The following DPRX variants were observed in gnomAD, a reference collection of about 807,000 sequenced individuals.
DPRX encodes divergent-paired related homeobox.
Under a neutral mutation model 8.4 loss-of-function variants are expected in DPRX, and 11 were observed. The ratio of observed to expected loss-of-function variants is 1.31; its 90% CI spans 0.82 to 2.17. The LOEUF is 2.17. Among genes scored for constraint, DPRX ranks in the 30% most tolerant of loss-of-function variants. The pLI is 0.00. For missense variants in DPRX, 211 were observed against 236.7 expected, an observed-to-expected ratio of 0.89 and a Z score of 0.71; for synonymous variants, 72 against 87.0, an observed-to-expected ratio of 0.83 and a Z score of 0.96.
At chr19:53,608,953 C>CAAAAAAAAAAAAAAAAAAAAAAAA in the DPRX span, among the ~76,000 whole-genome samples, 2 of 76,930 alleles carry the variant, frequency 2.6e-5, no homozygotes, top group Non-Finnish European at 4.7e-5. Context: ...GAGACTCCGT[C>CAAAAAAAAAAAAAAAAAAAAAAAA]AAAAAAAAAA....
At chr19:53,601,757 C>T in the DPRX span, among the ~76,000 whole-genome samples, 39 of 152,240 alleles carry the variant, frequency 2.6e-4, no homozygotes, top group East Asian at 7.0e-3. Flanking sequence ...GCTGGGATTA[C>T]AGGTGTGAGC....
chr19:53,606,963 A>T, the DPRX span: 2 of 152,992 alleles, frequency 1.3e-5, no homozygotes, highest in African/African-American at 2.4e-5. The surrounding 1 kb of genome is among the most constrained non-coding windows in gnomAD (Gnocchi z 4.8). Flanking sequence ...ATGCCATCAA[A>T]ACCCACAAAT....
the DPRX span, among the ~76,000 whole-genome samples, chr19:53,608,852 G>A: frequency 1.3e-5 from 2 of 151,236 alleles, no homozygotes; most frequent in Non-Finnish European, 2.9e-5. Context: ...CTACTCGGGA[G>A]GCTGAGGCAG....
chr19:53,615,283 A>ATTT, the DPRX span, among the ~76,000 whole-genome samples: 1 of 145,612 alleles, frequency 6.9e-6, no homozygotes. Flanking sequence ...GATCTGTCTA[A>ATTT]TTTTTTTTTT....
the DPRX span, among the ~76,000 whole-genome samples, chr19:53,618,291 A>G: frequency 6.8e-4 from 103 of 152,244 alleles, no homozygotes; most frequent in Non-Finnish European, 1.4e-3. Context: ...AAAATCAAGA[A>G]GCAAGATTCC....
chr19:53,601,857 G>T, the DPRX span: 8 of 367,920 alleles, frequency 2.2e-5, no homozygotes, highest in African/African-American at 1.7e-4. Context: ...ATATGTGGGG[G>T]CTGGAGGGGG....
the DPRX span, among the ~76,000 whole-genome samples, chr19:53,611,183 C>A: frequency 1.4e-4 from 22 of 151,824 alleles, 1 homozygote; most frequent in South Asian, 3.5e-3. Flanking sequence ...ATTACAGGCG[C>A]GAGCCACAGA....
At chr19:53,624,847 AAG>A in the DPRX span, among the ~76,000 whole-genome samples, 5 of 150,218 alleles carry the variant, frequency 3.3e-5, no homozygotes, top group South Asian at 4.2e-4. Flanking sequence ...AAAAAAAAGA[AAG>A]AAAGAAAGAA....
At chr19:53,618,406 G>A in the DPRX span, among the ~76,000 whole-genome samples, 1 of 151,646 alleles carries the variant, frequency 6.6e-6, no homozygotes, top group African/African-American at 2.4e-5. Flanking sequence ...TAAGACTGCT[G>A]CCTGAACAAT....
the DPRX span, among the ~76,000 whole-genome samples, chr19:53,618,341 C>T: frequency 4.0e-5 from 6 of 151,876 alleles, no homozygotes; most frequent in Admixed American, 1.3e-4. Flanking sequence ...GCTTTACCTA[C>T]GGAGCTTTGG....
At chr19:53,610,377 C>T in the DPRX span, among the ~76,000 whole-genome samples, 10 of 151,924 alleles carry the variant, frequency 6.6e-5, no homozygotes, top group South Asian at 2.1e-3. Context: ...GGTTGGATAT[C>T]CTAGATGCCG....
the DPRX span, among the ~76,000 whole-genome samples, chr19:53,619,307 G>A: frequency 0.013 from 1,955 of 152,128 alleles, 37 homozygotes; most frequent in African/African-American, 0.044. Flanking sequence ...TTGGGAATCC[G>A]AGGCGAGCAG....
the DPRX span, among the ~76,000 whole-genome samples, chr19:53,613,920 C>G: frequency 6.6e-6 from 1 of 151,558 alleles, no homozygotes; most frequent in East Asian, 1.9e-4. Flanking sequence ...TGTGTCCAAG[C>G]CTTTTGCCCA....
chr19:53,604,916 G>A, the DPRX span, among the ~76,000 whole-genome samples: 2 of 151,880 alleles, frequency 1.3e-5, no homozygotes, highest in African/African-American at 4.8e-5. Context: ...AATGTTTGAA[G>A]TGATGGTTAT....
chr19:53,602,306 GT>G, the DPRX span: 1 of 326,172 alleles, frequency 3.1e-6, no homozygotes, highest in African/African-American at 2.3e-5. Flanking sequence ...GTGTGTGTGT[GT>G]GTGTGCCAGC....
chr19:53,607,639 G>A, the DPRX span, among the ~76,000 whole-genome samples: 9 of 150,498 alleles, frequency 6.0e-5, no homozygotes, highest in African/African-American at 1.7e-4. Flanking sequence ...ATCACCTGAG[G>A]TCAGGAGTTT....
the DPRX span, among the ~76,000 whole-genome samples, chr19:53,609,428 C>T: frequency 7.6e-6 from 1 of 130,762 alleles, no homozygotes; most frequent in Non-Finnish European, 1.6e-5. Flanking sequence ...GACCACACCA[C>T]TGTACTTTAG....
At chr19:53,614,247 G>A in the DPRX span, among the ~76,000 whole-genome samples, 2 of 152,142 alleles carry the variant, frequency 1.3e-5, no homozygotes, top group Non-Finnish European at 2.9e-5. Flanking sequence ...ACTGCACCTG[G>A]CCTAAAAGAA....
At position 53,636,814 on chromosome 19, in the gene DPRX, C is replaced by A; in HGVS notation, c.402C>A (p.Tyr134Ter). Residue 134 changes from tyrosine to a stop codon, truncating the protein, a stop_gained, in exon 3 of 3, where the codon TAC becomes TAA. Coordinates refer to ENST00000376650, the Ensembl canonical transcript of DPRX. LOFTEE classifies it low-confidence loss of function (END_TRUNC). The stretch of plus-strand genomic sequence containing the variant: ...TCCCCTCATTCCAGCTCATCCTGTA[C>A]CCCAACCTCAAGGTCCCTGCAAATG... 1 of 1,614,104 alleles carries A rather than the reference C, an allele frequency of 6.2e-7. No individual in the cohort carries two copies. The highest frequency in any genetic ancestry group is 8.5e-7 in the Non-Finnish European group (1 of 1,180,022).
Sources: gnomAD v4.1 joint callset for allele counts (sites outside exome capture counted in the v4.1 genomes callset) on GRCh38, gnomAD v4.1.1 for gene constraint, Gnocchi (gnomAD v3.1) non-coding constraint, MANE v1.5 for transcripts, NCBI Gene and HGNC (gene_info 2026-07-23, HGNC 2026-07-21) for gene names.